PKN2: variants seen among roughly 807,000 people sequenced by gnomAD.
The protein encoded by PKN2 is protein kinase N2.
In PKN2, 38 loss-of-function variants were observed where a neutral mutation model predicts 119.1. The ratio of observed to expected loss-of-function variants is 0.32; its 90% CI spans 0.25 to 0.42. The LOEUF (loss-of-function observed/expected upper bound fraction) is 0.42, where lower values mean the gene tolerates loss of function less well. Among genes scored for constraint, PKN2 ranks in the 10% least tolerant of loss-of-function variants. The pLI is 1.00. For missense variants in PKN2, 850 were observed against 1,165.1 expected (o/e 0.73, Z 3.94); for synonymous variants, 390 against 384.9 (o/e 1.01, Z -0.15).
intron 1 of PKN2, among the ~76,000 whole-genome samples, chr1:88,737,720 G>T (rs6675453): frequency 0.067 from 10,174 of 152,172 alleles, 697 homozygotes; most frequent in African/African-American, 0.18. Flanking sequence ...GGGGCATGGG[G>T]TTCTGCCTGG....
Position 88,736,145 on chromosome 1 carries a change from G to A in PKN2, c.49-4843G>A, listed in dbSNP as rs78608899. On this transcript the variant is annotated intron_variant, in intron 1 of 21. Transcript: ENST00000370521. ...CTCTACTGCATTCATTTTGTTCATC[G>A]TATTTTTCAGCTCCAGGATTTCAGT... is the stretch of plus-strand genomic sequence containing the variant. 4.3e-3 allele frequency among the ~76,000 whole-genome samples: 658 copies of A among 152,014 alleles called. 2 individuals are homozygous for A. The highest frequency in any genetic ancestry group is 0.015 in the African/African-American group (620 of 41,458).
chr1:88,789,146 G>A lies in PKN2; in HGVS notation c.1281+2933G>A, dbSNP rs112608547. Among the ~76,000 whole-genome samples the A allele has an allele frequency of 9.9e-3, 1,513 of 152,270 alleles. 22 individuals are homozygous for A. The highest frequency in any genetic ancestry group is 0.034 in the African/African-American group (1,429 of 41,552). ...GAAAGGAGGGAAAGAGAGTATAGAA[G>A]CAGTTAGGACAAGTAAAAAGGTGGT... On this transcript the variant is annotated intron_variant, in intron 8 of 21. Coordinates refer to ENST00000370521, the MANE Select transcript of PKN2 (RefSeq NM_006256.4).
At chr1:88,742,093 AC>A (rs1668599350) in intron 2 of PKN2, among the ~76,000 whole-genome samples, 2 of 152,124 alleles carry the variant, frequency 1.3e-5, no homozygotes, top group African/African-American at 4.8e-5. Flanking sequence ...ACAAAAACTT[AC>A]GTTTAAGTTT....
intron 1 of PKN2, among the ~76,000 whole-genome samples, chr1:88,706,281 CT>C (rs1193480939): frequency 6.6e-6 from 1 of 151,982 alleles, no homozygotes. Flanking sequence ...ATTTCTTTTT[CT>C]GATCATTCCT....
At chr1:88,805,328 A>G (rs755677005) in intron 10 of PKN2, among the ~76,000 whole-genome samples, 169 bp from the exon 11 acceptor site, 4 of 152,208 alleles carry the variant, frequency 2.6e-5, no homozygotes, top group Non-Finnish European at 4.4e-5. Flanking sequence ...TACGTATGCT[A>G]TTTTGCATTA....
chr1:88,816,122 AGAGT>A (rs2100901099), intron 16 of PKN2, among the ~76,000 whole-genome samples: 1 of 141,732 alleles, frequency 7.1e-6, no homozygotes, highest in Admixed American at 7.2e-5. Flanking sequence ...CCTGGGCGAC[AGAGT>A]GAGACCCCCC....
chr1:88,816,196 C>A (rs1303796277), intron 16 of PKN2, among the ~76,000 whole-genome samples: 3 of 151,970 alleles, frequency 2.0e-5, no homozygotes, highest in African/African-American at 7.2e-5. Flanking sequence ...ATTGTTTTGC[C>A]ACAAAAATAA....
chr1:88,813,968 T>A (rs186250955), intron 16 of PKN2, among the ~76,000 whole-genome samples: 82 of 152,312 alleles, frequency 5.4e-4, no homozygotes, highest in African/African-American at 1.9e-3. Flanking sequence ...GATAAGCAAT[T>A]TAGATTCATT....
At chr1:88,801,261 T>G (rs1671296743) in intron 8 of PKN2, among the ~76,000 whole-genome samples, 1 of 152,112 alleles carries the variant, frequency 6.6e-6, no homozygotes, top group Non-Finnish European at 1.5e-5. Context: ...GGTGGGTGCC[T>G]GTAATCTCAG....
chr1:88,826,691 A>G (rs1157514348), intron 18 of PKN2, among the ~76,000 whole-genome samples: 1 of 152,090 alleles, frequency 6.6e-6, no homozygotes, highest in East Asian at 1.9e-4. Context: ...ATGTTAGACA[A>G]CTTTCCCAAC....
chr1:88,714,431 ATTTG>A (rs1667365732), intron 1 of PKN2, among the ~76,000 whole-genome samples: 1 of 151,786 alleles, frequency 6.6e-6, no homozygotes, highest in African/African-American at 2.4e-5. Context: ...ACGTTCTTCC[ATTTG>A]TTTGTGTCCT....
chr1:88,724,701 A>G (rs1667826963), intron 1 of PKN2, among the ~76,000 whole-genome samples: 1 of 150,678 alleles, frequency 6.6e-6, no homozygotes, highest in Non-Finnish European at 1.5e-5. Context: ...CCTCCTGAGT[A>G]GCTGGGATTA....
At chr1:88,761,367 A>G (rs947239040) in intron 3 of PKN2, among the ~76,000 whole-genome samples, 6 of 151,980 alleles carry the variant, frequency 3.9e-5, no homozygotes, top group African/African-American at 1.4e-4. Flanking sequence ...TATTTTTTAA[A>G]TAATTTCTTA....
At chr1:88,764,922 G>GTT (rs1669598486) in intron 3 of PKN2, among the ~76,000 whole-genome samples, 1 of 151,756 alleles carries the variant, frequency 6.6e-6, no homozygotes, top group African/African-American at 2.4e-5. Context: ...TTGTTGTTTT[G>GTT]TTTTGTTTTG....
intron 19 of PKN2, 106 bp from the exon 20 acceptor site, chr1:88,832,638 C>T: frequency 4.9e-6 from 3 of 610,402 alleles, no homozygotes; most frequent in Non-Finnish European, 5.8e-6. Flanking sequence ...GTTGTTTTGT[C>T]TGTTTTTTCT....
chr1:88,764,090 A>G, intron 3 of PKN2, among the ~76,000 whole-genome samples: 1 of 152,204 alleles, frequency 6.6e-6, no homozygotes, highest in East Asian at 1.9e-4. Flanking sequence ...TACTTAGGAC[A>G]AAATCCAAAA....
intron 12 of PKN2, among the ~76,000 whole-genome samples, chr1:88,806,765 G>A (rs750085402): frequency 3.3e-5 from 5 of 152,070 alleles, no homozygotes; most frequent in Non-Finnish European, 7.4e-5. Flanking sequence ...TGTTGCCCAG[G>A]CTGGAGTGCA....
chr1:88,686,341 A>T (rs563868745), intron 1 of PKN2, among the ~76,000 whole-genome samples: 3 of 152,106 alleles, frequency 2.0e-5, no homozygotes, highest in African/African-American at 7.2e-5. Context: ...GGCATAAAAG[A>T]CACCTACTTT....
At chr1:88,729,668 T>G (rs1047863696) in intron 1 of PKN2, among the ~76,000 whole-genome samples, 1 of 152,212 alleles carries the variant, frequency 6.6e-6, no homozygotes, top group Non-Finnish European at 1.5e-5. Context: ...TTGGAACTCC[T>G]GCACATCAGT....
Sources: gnomAD v4.1 joint callset for allele counts (sites outside exome capture counted in the v4.1 genomes callset) on GRCh38, gnomAD v4.1.1 for gene constraint, MANE v1.5 for transcripts, NCBI Gene and HGNC (gene_info 2026-07-23, HGNC 2026-07-21) for gene names.